Variants in KDM3A observed in about 807,000 individuals in gnomAD.
The protein encoded by KDM3A is lysine demethylase 3A.
KDM3A carries 60 observed loss-of-function variants against 158.0 expected under a neutral mutation model. That is an observed-to-expected ratio of 0.38 (90% CI 0.31 to 0.47). The LOEUF (loss-of-function observed/expected upper bound fraction) is 0.47, where lower values mean the gene tolerates loss of function less well. Ranked by LOEUF, KDM3A falls within the 20% of genes least tolerant of loss-of-function variation. KDM3A has a pLI of 0.99. For synonymous variants in KDM3A, 608 were observed against 549.3 expected (o/e 1.11, Z -1.49); for missense variants, 1,319 against 1,574.3 (o/e 0.84, Z 2.74).
intron 8 of KDM3A, among the ~76,000 whole-genome samples, chr2:86,463,273 T>C (rs1274823072): frequency 1.3e-5 from 2 of 152,174 alleles, no homozygotes; most frequent in Non-Finnish European, 2.9e-5. Context: ...TTTAAGCACA[T>C]GTGAGGAGCC....
intron 3 of KDM3A, among the ~76,000 whole-genome samples, chr2:86,450,173 G>A (rs1672383200): frequency 6.6e-6 from 1 of 152,164 alleles, no homozygotes; most frequent in South Asian, 2.1e-4. Context: ...GGTAGTAGTG[G>A]GAATGTCTAG....
chr2:86,441,906 G>C (rs921048468), intron 1 of KDM3A, 112 bp from the exon 2 acceptor site: 46 of 786,464 alleles, frequency 5.8e-5, no homozygotes, highest in Non-Finnish European at 8.6e-5. Flanking sequence ...GGGTCCGCCC[G>C]GGGCCGCGTC....
At chr2:86,444,115 A>T (rs1476731744) in intron 2 of KDM3A, among the ~76,000 whole-genome samples, 1 of 152,116 alleles carries the variant, frequency 6.6e-6, no homozygotes, top group African/African-American at 2.4e-5. Context: ...ATATTTTTTA[A>T]ATCTCCTCCC....
At chr2:86,455,658 A>AGT in intron 5 of KDM3A, among the ~76,000 whole-genome samples, 1 of 152,258 alleles carries the variant, frequency 6.6e-6, no homozygotes, top group East Asian at 1.9e-4. Flanking sequence ...CTAACAGTAA[A>AGT]GTAGGGCCAG....
chr2:86,484,363 G>T (rs1472316205), intron 19 of KDM3A, among the ~76,000 whole-genome samples: 2 of 152,130 alleles, frequency 1.3e-5, no homozygotes, highest in East Asian at 1.9e-4. Flanking sequence ...GGTCTTTGTT[G>T]TCCCTGGACA....
chr2:86,441,879 G>T, intron 1 of KDM3A, 139 bp from the exon 2 acceptor site: 2 of 419,456 alleles, frequency 4.8e-6, no homozygotes, highest in Admixed American at 5.0e-5. Flanking sequence ...GGAGGGCGCA[G>T]GAGGGGGGCT....
chr2:86,452,646 T>G (rs1055849459), intron 4 of KDM3A, among the ~76,000 whole-genome samples: 5 of 152,192 alleles, frequency 3.3e-5, no homozygotes, highest in Non-Finnish European at 7.4e-5. Context: ...GCCTTCTGTT[T>G]TGTGACTTCA....
At chr2:86,453,225 T>G (rs749511284) in intron 4 of KDM3A, among the ~76,000 whole-genome samples, 1 of 152,320 alleles carries the variant, frequency 6.6e-6, no homozygotes, top group Admixed American at 6.5e-5. Context: ...TAATACGATA[T>G]ACAATTAACT....
intron 6 of KDM3A, 57 bp from the exon 7 acceptor site, chr2:86,456,748 C>T (rs1418468484): frequency 7.0e-7 from 1 of 1,420,686 alleles, no homozygotes; most frequent in Non-Finnish European, 9.9e-7. Flanking sequence ...ACCTGATTTT[C>T]AGTATGTTCT....
intron 9 of KDM3A, among the ~76,000 whole-genome samples, chr2:86,464,775 G>T (rs1418461081): frequency 6.6e-6 from 1 of 152,244 alleles, no homozygotes; most frequent in Non-Finnish European, 1.5e-5. Flanking sequence ...GACAGAGCAA[G>T]TAGTTTCAAG....
At chr2:86,484,884 T>G (rs1237134629) in intron 19 of KDM3A, 58 bp from the exon 20 acceptor site, 1 of 1,066,400 alleles carries the variant, frequency 9.4e-7, no homozygotes, top group African/African-American at 1.6e-5. Context: ...AATTTGTCAT[T>G]TATTTTGGTC....
chr2:86,480,135 T>C (rs751533264), intron 15 of KDM3A, 32 bp from the exon 16 acceptor site: 28 of 1,512,948 alleles, frequency 1.9e-5, no homozygotes, highest in Non-Finnish European at 2.6e-5. Context: ...TTCTTCAGCT[T>C]ATGTAAAATC....
At chr2:86,468,112 C>T (rs1343646136) in intron 10 of KDM3A, among the ~76,000 whole-genome samples, 1 of 152,192 alleles carries the variant, frequency 6.6e-6, no homozygotes, top group South Asian at 2.1e-4. Flanking sequence ...ATCTTTTTAA[C>T]TGCAGGCCTC....
chr2:86,442,660 T>G (rs1682782866), intron 2 of KDM3A: 1 of 155,098 alleles, frequency 6.4e-6, no homozygotes, highest in South Asian at 1.8e-4. Flanking sequence ...TTCACTCAAC[T>G]TTTAAAAAAA....
At chr2:86,485,626 A>G in intron 20 of KDM3A, 103 bp from the exon 21 acceptor site, 1 of 1,363,866 alleles carries the variant, frequency 7.3e-7, no homozygotes, top group Non-Finnish European at 1.0e-6. Context: ...GCATGATCAC[A>G]GATGGATTTG....
At chr2:86,488,749 A>AAT (rs921832472) in intron 21 of KDM3A, 3 of 153,308 alleles carry the variant, frequency 2.0e-5, no homozygotes, top group African/African-American at 7.2e-5. Context: ...AAGCTTCAGG[A>AAT]TGATTGTTGA....
At chr2:86,467,032 A>G (rs1278197022) in intron 10 of KDM3A, 149 bp downstream of exon 10, 1 of 666,816 alleles carries the variant, frequency 1.5e-6, no homozygotes, top group African/African-American at 1.8e-5. Context: ...TAATTCCCAA[A>G]TCTCAGAAAC....
intron 4 of KDM3A, 140 bp downstream of exon 4, chr2:86,451,353 C>T (rs1466827432): frequency 1.5e-5 from 8 of 518,204 alleles, no homozygotes; most frequent in Non-Finnish European, 2.7e-5. Context: ...CTACATATAA[C>T]TTTGATTCCC....
At chr2:86,443,963 A>G (rs987894802) in intron 2 of KDM3A, among the ~76,000 whole-genome samples, 17 of 152,184 alleles carry the variant, frequency 1.1e-4, no homozygotes, top group Non-Finnish European at 1.9e-4. Flanking sequence ...TGTGATTTGA[A>G]TGGAAACAAG....
Sources: gnomAD v4.1 joint callset for allele counts (sites outside exome capture counted in the v4.1 genomes callset) on GRCh38, gnomAD v4.1.1 for gene constraint, MANE v1.5 for transcripts, NCBI Gene and HGNC (gene_info 2026-07-23, HGNC 2026-07-21) for gene names.